OR2L13: variants seen among roughly 807,000 people sequenced by gnomAD.
OR2L13 encodes olfactory receptor family 2 subfamily L member 13, also known as olfactory receptor 2L13.
In OR2L13, 14 loss-of-function variants were observed where a neutral mutation model predicts 15.3. The ratio of observed to expected loss-of-function variants is 0.91; its 90% confidence interval spans 0.60 to 1.43. The LOEUF (loss-of-function observed/expected upper bound fraction) is 1.43, where lower values mean the gene tolerates loss of function less well. OR2L13 is among the 40% of genes most tolerant of loss of function. The pLI is 0.00. For missense variants in OR2L13, 367 were observed against 387.9 expected (o/e 0.95, Z 0.45); for synonymous variants, 152 against 142.9 (o/e 1.06, Z -0.45).
the OR2L13 span, among the ~76,000 whole-genome samples, chr1:247,957,798 T>C: frequency 1.3e-5 from 2 of 152,202 alleles, no homozygotes; most frequent in Admixed American, 6.5e-5. Context: ...ATACCCTTTA[T>C]CATTTTTTAT....
chr1:248,039,051 A>G, the OR2L13 span: 1 of 1,614,050 alleles, frequency 6.2e-7, no homozygotes, highest in South Asian at 1.1e-5. Context: ...TGTACGTCCA[A>G]GATCCCTGCG....
the OR2L13 span, among the ~76,000 whole-genome samples, chr1:248,027,326 C>T: frequency 6.6e-6 from 1 of 152,146 alleles, no homozygotes; most frequent in South Asian, 2.1e-4. Context: ...CAATGTGTGC[C>T]CAAAACTTCA....
chr1:248,061,613 A>G, the OR2L13 span: 7 of 1,611,076 alleles, frequency 4.3e-6, no homozygotes, highest in Middle Eastern at 3.3e-4. Flanking sequence ...TGCTCTGGGA[A>G]AATGTAGAAA....
chr1:247,975,544 G>A, the OR2L13 span: 2 of 1,200,636 alleles, frequency 1.7e-6, no homozygotes, highest in Non-Finnish European at 2.5e-6. Flanking sequence ...GGTTCTGGCT[G>A]TGTTCTACAC....
chr1:248,091,689 G>T (rs1235618464), upstream of OR2L13, among the ~76,000 whole-genome samples: 3 of 152,088 alleles, frequency 2.0e-5, no homozygotes, highest in African/African-American at 7.2e-5. Context: ...TTGTAGCCTT[G>T]TAGTATAGTT....
the OR2L13 span, among the ~76,000 whole-genome samples, chr1:248,024,972 C>T: frequency 6.6e-6 from 1 of 152,042 alleles, no homozygotes; most frequent in Non-Finnish European, 1.5e-5. Flanking sequence ...ATGGGGTTGG[C>T]ATTGAATCTA....
At chr1:248,014,295 G>A in the OR2L13 span, among the ~76,000 whole-genome samples, 5 of 152,010 alleles carry the variant, frequency 3.3e-5, 1 homozygote, top group Admixed American at 3.3e-4. Context: ...AATGAGAGTG[G>A]TTAAAATTAC....
At chr1:248,060,914 C>T in the OR2L13 span, 241,751 of 1,613,670 alleles carry the variant, frequency 0.15, 19,754 homozygotes, top group East Asian at 0.29. Context: ...ACCATTGTTC[C>T]TAAGATGGCA....
the OR2L13 span, among the ~76,000 whole-genome samples, chr1:248,052,898 T>C: frequency 6.6e-6 from 1 of 152,174 alleles, no homozygotes; most frequent in Non-Finnish European, 1.5e-5. Context: ...ATAGAGATTC[T>C]ACTAATTTTT....
At chr1:248,003,552 T>C in the OR2L13 span, 10 of 1,612,662 alleles carry the variant, frequency 6.2e-6, no homozygotes, top group Non-Finnish European at 7.6e-6. Context: ...AGAGTGTGTG[T>C]GCTGATGATA....
chr1:247,943,558 T>A, the OR2L13 span, among the ~76,000 whole-genome samples: 8 of 152,300 alleles, frequency 5.3e-5, no homozygotes, highest in African/African-American at 1.9e-4. Context: ...AATAATTTGA[T>A]GTTTTTTGAC....
At chr1:248,087,487 C>T in the OR2L13 span, 1 of 152,246 alleles carries the variant, frequency 6.6e-6, no homozygotes, top group Non-Finnish European at 1.5e-5. Context: ...AACAAATTGA[C>T]TCACCTTTGC....
chr1:248,082,395 G>A, the OR2L13 span, among the ~76,000 whole-genome samples: 3 of 141,624 alleles, frequency 2.1e-5, no homozygotes, highest in Non-Finnish European at 4.6e-5. Flanking sequence ...TATACCTAAT[G>A]CTAGATGACG....
At chr1:248,039,326 T>C in the OR2L13 span, 2 of 914,956 alleles carry the variant, frequency 2.2e-6, no homozygotes, top group Non-Finnish European at 3.3e-6. Flanking sequence ...TAGAAGAAAT[T>C]TGTCTTTTAA....
chr1:247,998,831 T>C, the OR2L13 span, among the ~76,000 whole-genome samples: 2 of 152,182 alleles, frequency 1.3e-5, no homozygotes, highest in Admixed American at 1.3e-4. Flanking sequence ...ATTTTTTCTT[T>C]TGGTACATAT....
the OR2L13 span, among the ~76,000 whole-genome samples, chr1:247,994,051 G>C: frequency 6.6e-6 from 1 of 152,068 alleles, no homozygotes; most frequent in Non-Finnish European, 1.5e-5. Flanking sequence ...GCTTTCCTAG[G>C]GAGAATCCCA....
chr1:247,988,543 T>C, the OR2L13 span, among the ~76,000 whole-genome samples: 1 of 152,172 alleles, frequency 6.6e-6, no homozygotes, highest in African/African-American at 2.4e-5. Context: ...TGTATTGATG[T>C]TTAAGTGAGT....
chr1:247,990,969 G>C, the OR2L13 span: 1 of 1,486,856 alleles, frequency 6.7e-7, no homozygotes, highest in Non-Finnish European at 9.4e-7. Context: ...AAGGGAGGAA[G>C]AAGGCCTATT....
At chr1:248,022,521 TG>T in the OR2L13 span, 1 of 1,614,182 alleles carries the variant, frequency 6.2e-7, no homozygotes, top group African/African-American at 1.3e-5. Context: ...TACAGACACC[TG>T]GGTCTATGAG....
Sources: gnomAD v4.1 joint callset for allele counts (sites outside exome capture counted in the v4.1 genomes callset) on GRCh38, gnomAD v4.1.1 for gene constraint, MANE v1.5 for transcripts, NCBI Gene and HGNC (gene_info 2026-07-23, HGNC 2026-07-21) for gene names.